MED17: variants seen among roughly 807,000 people sequenced by gnomAD.
MED17 encodes mediator of RNA polymerase II transcription subunit 17.
In MED17, 49 loss-of-function variants were observed where a neutral mutation model predicts 80.8. The observed-to-expected ratio is 0.61, with a 90% CI of 0.48 to 0.77. The LOEUF is 0.77. Ranked by LOEUF, MED17 falls within the 30% of genes least tolerant of loss-of-function variation. The pLI, the probability that MED17 is intolerant of heterozygous loss-of-function variation, is 0.00. For missense variants in MED17, 718 were observed against 787.0 expected, an observed-to-expected ratio of 0.91 and a Z score of 1.05; for synonymous variants, 281 against 280.4, an observed-to-expected ratio of 1.00 and a Z score of -0.02.
At chr11:93,798,231 G>GAT (rs1222288622) in intron 8 of MED17, among the ~76,000 whole-genome samples, 3 of 152,096 alleles carry the variant, frequency 2.0e-5, no homozygotes, top group Non-Finnish European at 4.4e-5. Context: ...GCAGAACGAG[G>GAT]ATTTATGCCC....
chr11:93,789,281 G>C (rs1943806201), intron 2 of MED17: 1 of 152,164 alleles, frequency 6.6e-6, no homozygotes, highest in Non-Finnish European at 1.5e-5. Context: ...ATTTTATAGA[G>C]AGAAAACTAA....
At chr11:93,795,345 GTTA>G (rs1176602041) in intron 6 of MED17, 1 of 427,606 alleles carries the variant, frequency 2.3e-6, no homozygotes, top group Non-Finnish European at 4.2e-6. Context: ...CATAGCTATA[GTTA>G]TTTAGCAACA....
intron 1 of MED17, 111 bp from the exon 2 acceptor site, chr11:93,787,890 A>T: frequency 1.1e-6 from 1 of 932,034 alleles, no homozygotes; most frequent in Non-Finnish European, 1.7e-6. Context: ...GAACAATTTG[A>T]AATTTAATTA....
At position 93,788,049 on chromosome 11, in the gene MED17, A is replaced by G; in HGVS notation, c.299A>G (p.Asn100Ser). 6.2e-7 allele frequency: 1 copy of G among 1,614,010 alleles called. No homozygotes were observed. Among genetic ancestry groups the G allele is most frequent in the South Asian group, 1.1e-5 (1 of 91,070 alleles). Residue 100 changes from asparagine to serine, a missense_variant, in exon 2 of 12, where the codon AAC becomes AGC. Asn to Ser is a conservative substitution (Grantham distance 46). Transcript: ENST00000251871. ...CTTTGGCCTTGGGACTCAGTGAGGAACAATTTGAGAAGTGCCCTGACAGAG... is the reference window on the plus strand; with the variant it reads ...CTTTGGCCTTGGGACTCAGTGAGGAGCAATTTGAGAAGTGCCCTGACAGAG... Reference protein sequence around the residue: ...PSLWPWDSVRNNLRSALTEMC... With the variant: ...PSLWPWDSVRSNLRSALTEMC...
chr11:93,802,574 C>T (rs982145423), intron 9 of MED17, among the ~76,000 whole-genome samples: 2 of 152,158 alleles, frequency 1.3e-5, no homozygotes, highest in Non-Finnish European at 2.9e-5. Context: ...CAGAAGGCTG[C>T]CTTACCTTTT....
chr11:93,810,000 C>T, intron 11 of MED17, 124 bp downstream of exon 11: 1 of 953,370 alleles, frequency 1.0e-6, no homozygotes, highest in Non-Finnish European at 1.7e-6. Flanking sequence ...GTTGTATTTA[C>T]ACCGAATGTT....
At chr11:93,798,411 C>T (rs931616833) in intron 8 of MED17, among the ~76,000 whole-genome samples, 2 of 151,964 alleles carry the variant, frequency 1.3e-5, no homozygotes, top group African/African-American at 4.8e-5. Flanking sequence ...GTAATTATGC[C>T]TTGGTAGTAC....
Position 93,809,842 on chromosome 11 carries a change from G to C in MED17, c.1710G>C (p.Thr570=). 6.2e-7 allele frequency: 1 copy of C among 1,614,136 alleles called. No homozygotes were observed. The highest frequency in any genetic ancestry group is 8.5e-7 in the Non-Finnish European group (1 of 1,180,014). The stretch of plus-strand genomic sequence containing the variant: ...GCATTGGTAATGCATCTGCCATCAC[G>C]GTGGCCTCCCCAAGTGGTGACTATG... ...IESIGNASAI[T]VASPSGDYAI... Residue 570 remains threonine (T), a synonymous_variant, in exon 11 of 12, where the codon ACG becomes ACC. Transcript: ENST00000251871.
chr11:93,795,027 G>A lies in MED17; in HGVS notation c.979G>A (p.Val327Met), dbSNP rs766241332. 4.0e-5 allele frequency: 64 copies of A among 1,614,032 alleles called. No individual in the cohort carries two copies. The highest frequency in any genetic ancestry group is 5.2e-5 in the Non-Finnish European group (61 of 1,180,024). The part of the protein sequence containing the change: ...QIKSQVPHIV[V>M]KNQIISQPFP... ...TAAATCACAAGTCCCTCACATTGTG[G>A]TGAAAAACCAGATTATCTCTCAGCC... The change falls in exon 6 of 12, where the codon GTG (valine) becomes ATG (methionine). Residue 327 changes from valine to methionine, a missense_variant. Val to Met is a conservative substitution (Grantham distance 21, BLOSUM62 1). Coordinates refer to ENST00000251871, the MANE Select transcript of MED17 (RefSeq NM_004268.5).
intron 3 of MED17, 75 bp downstream of exon 3, chr11:93,790,868 A>G: frequency 7.8e-7 from 1 of 1,287,900 alleles, no homozygotes; most frequent in Non-Finnish European, 1.1e-6. Flanking sequence ...GCACTTTGGA[A>G]GGCCAAGGCA....
rs1943872714 is a variant in MED17, at chr11:93,794,035, G to A, written c.859G>A (p.Gly287Ser). Reference protein sequence around the residue: ...FKRPLPKSKPGSPHWQTKLEA... With the variant: ...FKRPLPKSKPSSPHWQTKLEA... The stretch of plus-strand genomic sequence containing the variant: ...ACGACCTTTGCCCAAATCCAAACCA[G>A]GTATGGTTATGTTCTATTCTCTAAT... Residue 287 changes from glycine (G) to serine (S), a missense_variant and splice_region_variant, in exon 5 of 12, where the codon GGT (glycine) becomes AGT (serine). Physicochemically the swap from Gly to Ser is moderately conservative, Grantham distance 56. Transcript: ENST00000251871. 6.2e-7 allele frequency: 1 copy of A among 1,610,046 alleles called. No homozygotes were observed. Among genetic ancestry groups the A allele is most frequent in the Non-Finnish European group, 8.5e-7 (1 of 1,176,650 alleles).
chr11:93,811,910 G>A lies in MED17; in HGVS notation c.1802G>A (p.Cys601Tyr). 3.1e-6 allele frequency: 5 copies of A among 1,614,066 alleles called. No homozygotes were observed. The African/African-American group carries it at 4.0e-5, about 13-fold the overall frequency. Residue 601 changes from cysteine to tyrosine, a missense_variant, in exon 12 of 12, where the codon TGT becomes TAT. Cys to Tyr is a radical substitution (Grantham distance 194, BLOSUM62 -2). Transcript: ENST00000251871. Reference sequence around the variant, plus strand: ...ATGGTTCAGTTTCCTCGTAACCAATGTAAAGACCTTCCAAAAAGTGATGTT... The same window carrying A: ...ATGGTTCAGTTTCCTCGTAACCAATATAAAGACCTTCCAAAAAGTGATGTT... ...KIMVQFPRNQ[C>Y]KDLPKSDVLQ...
intron 9 of MED17, among the ~76,000 whole-genome samples, chr11:93,805,164 T>C (rs1944011123): frequency 6.6e-6 from 1 of 152,252 alleles, no homozygotes; most frequent in South Asian, 2.1e-4. Context: ...CTTTTTGTAT[T>C]TCATTGTATG....
At position 93,814,716 on chromosome 11, in the gene MED17, A is replaced by AT; in HGVS notation, c.*2655dup. The AT allele has an allele frequency of 6.6e-6, 1 of 152,206 alleles. No homozygotes were observed. The highest frequency in any genetic ancestry group is 1.9e-4 in the East Asian group (1 of 5,192). 9.4% of individuals were successfully genotyped at this position (152,206 alleles called of 1,614,324 possible). ...AAAAAATGGTTGAGACACCAGCTGT[A>AT]TTTATTAGGAGAAAGCATTTCAGAA... On this transcript the variant is annotated 3_prime_UTR_variant, in exon 12 of 12. Coordinates refer to ENST00000251871, the MANE Select transcript of MED17 (RefSeq NM_004268.5).
At chr11:93,801,757 T>C in intron 8 of MED17, 78 bp from the exon 9 acceptor site, 1 of 1,430,420 alleles carries the variant, frequency 7.0e-7, no homozygotes, top group Non-Finnish European at 9.7e-7. Flanking sequence ...AAAATTTTCA[T>C]AAAATTTTCG....
At chr11:93,805,764 C>T (rs969918861) in intron 9 of MED17, among the ~76,000 whole-genome samples, 17 of 152,038 alleles carry the variant, frequency 1.1e-4, no homozygotes, top group Non-Finnish European at 1.5e-4. Context: ...TTTTGAGTTT[C>T]GTTTTTCTTT....
chr11:93,792,435 A>G (rs1310164923), intron 3 of MED17, among the ~76,000 whole-genome samples: 3 of 152,228 alleles, frequency 2.0e-5, no homozygotes, highest in African/African-American at 7.2e-5. Context: ...TTTTCCACAA[A>G]TAATTTGTGT....
At position 93,811,947 on chromosome 11, in the gene MED17, C is replaced by T. The variant is rs757405264; in HGVS notation, c.1839C>T (p.Asn613=). ...DLPKSDVLQD[N]KWSHLRGPFK... ...CAAAAAGTGATGTTTTACAAGATAA[C>T]AAATGGAGTCATCTTCGTGGGCCAT... Residue 613 remains asparagine, a synonymous_variant, in exon 12 of 12, where the codon AAC becomes AAT. Transcript: ENST00000251871. The T allele has an allele frequency of 6.2e-7, 1 of 1,614,024 alleles. No homozygotes were observed. Among genetic ancestry groups the T allele is most frequent in the Admixed American group, 1.7e-5 (1 of 60,022 alleles).
intron 10 of MED17, chr11:93,809,452 A>G (rs1016998088): frequency 6.0e-6 from 3 of 502,346 alleles, no homozygotes; most frequent in Non-Finnish European, 1.1e-5. Flanking sequence ...GAGAGTCTTC[A>G]GTTGGCCAAA....
Sources: gnomAD v4.1 joint callset for allele counts (sites outside exome capture counted in the v4.1 genomes callset) on GRCh38, gnomAD v4.1.1 for gene constraint, MANE v1.5 for transcripts, NCBI Gene and HGNC (gene_info 2026-07-23, HGNC 2026-07-21) for gene names.